Variants in MTRF1 observed in about 807,000 individuals in gnomAD.
MTRF1 encodes the protein peptide chain release factor 1, mitochondrial.
MTRF1 carries 51 observed loss-of-function variants against 62.9 expected under a neutral mutation model. The observed-to-expected ratio is 0.81, with a 90% confidence interval of 0.65 to 1.02. The LOEUF is 1.02. Ranked by LOEUF, MTRF1 falls within the 50% of genes least tolerant of loss-of-function variation. MTRF1 has a pLI of 0.00. For missense variants in MTRF1, 446 were observed against 530.0 expected (o/e 0.84, Z 1.56); for synonymous variants, 158 against 181.9 (o/e 0.87, Z 1.06).
At chr13:41,280,288 G>A in the MTRF1 span, among the ~76,000 whole-genome samples, 1 of 152,162 alleles carries the variant, frequency 6.6e-6, no homozygotes, top group African/African-American at 2.4e-5. Flanking sequence ...CAGGTCTTCA[G>A]ATAAACTCAG....
At chr13:41,219,509 AATAC>A (rs2032752809) in intron 9 of MTRF1, among the ~76,000 whole-genome samples, 1 of 152,192 alleles carries the variant, frequency 6.6e-6, no homozygotes, top group Non-Finnish European at 1.5e-5. Context: ...CAGCTAGACA[AATAC>A]ATAAGCATCA....
intron 5 of MTRF1, among the ~76,000 whole-genome samples, chr13:41,242,954 C>G (rs1036781896): frequency 4.6e-5 from 7 of 152,070 alleles, no homozygotes; most frequent in African/African-American, 1.7e-4. Context: ...GGCGCTGTGG[C>G]TCACACCTGT....
At chr13:41,286,588 G>T in the MTRF1 span, among the ~76,000 whole-genome samples, 1 of 152,164 alleles carries the variant, frequency 6.6e-6, no homozygotes, top group African/African-American at 2.4e-5. Flanking sequence ...ATTATTCCTT[G>T]TGAAATGAGT....
At chr13:41,222,635 TGGAGGTAGCCACTG>T (rs1334356361) in intron 9 of MTRF1, among the ~76,000 whole-genome samples, 1 of 152,244 alleles carries the variant, frequency 6.6e-6, no homozygotes, top group African/African-American at 2.4e-5. Flanking sequence ...AGAGAGTCTC[TGGAGGTAGCCACTG>T]GGAAACAACT....
the MTRF1 span, among the ~76,000 whole-genome samples, chr13:41,301,986 C>T: frequency 6.6e-6 from 1 of 152,042 alleles, no homozygotes; most frequent in Non-Finnish European, 1.5e-5. Flanking sequence ...TTTAAACTTT[C>T]TTCTTCAGAT....
At chr13:41,230,786 G>A (rs2035408568) in intron 7 of MTRF1, among the ~76,000 whole-genome samples, 1 of 149,560 alleles carries the variant, frequency 6.7e-6, no homozygotes, top group Non-Finnish European at 1.5e-5. Context: ...GCAATGGCAT[G>A]ATCTCGGCTC....
upstream of MTRF1, among the ~76,000 whole-genome samples, chr13:41,267,594 C>T (rs777103938): frequency 2.0e-5 from 3 of 152,210 alleles, no homozygotes; most frequent in South Asian, 2.1e-4. Flanking sequence ...AAAAGCCAGG[C>T]GCTGTGGCTC....
the MTRF1 span, among the ~76,000 whole-genome samples, chr13:41,268,643 CA>C: frequency 6.6e-6 from 1 of 152,064 alleles, no homozygotes; most frequent in East Asian, 1.9e-4. Flanking sequence ...CAAGGGGAAA[CA>C]AAACTTATAT....
At chr13:41,225,224 A>AC (rs1434619587) in intron 8 of MTRF1, among the ~76,000 whole-genome samples, 1 of 151,718 alleles carries the variant, frequency 6.6e-6, no homozygotes, top group Non-Finnish European at 1.5e-5. Flanking sequence ...AAAAAAAAAA[A>AC]AAAACTTTGT....
intron 2 of MTRF1, among the ~76,000 whole-genome samples, chr13:41,255,997 A>G (rs1052744041): frequency 3.3e-5 from 5 of 152,220 alleles, no homozygotes; most frequent in African/African-American, 1.2e-4. Context: ...ATTATAAAGA[A>G]GAGAAGACTC....
At chr13:41,245,077 T>C (rs2038061541) in intron 5 of MTRF1, among the ~76,000 whole-genome samples, 1 of 152,200 alleles carries the variant, frequency 6.6e-6, no homozygotes, top group Non-Finnish European at 1.5e-5. Context: ...CAAAAAAATT[T>C]TCCTTTTTAA....
chr13:41,257,109 A>T (rs145248430), intron 2 of MTRF1, among the ~76,000 whole-genome samples: 23 of 152,368 alleles, frequency 1.5e-4, no homozygotes, highest in Admixed American at 2.6e-4. Context: ...AAAGATACAG[A>T]CATGGGACAG....
intron 7 of MTRF1, among the ~76,000 whole-genome samples, chr13:41,231,386 A>G (rs1413027852): frequency 6.6e-6 from 1 of 152,244 alleles, no homozygotes; most frequent in African/African-American, 2.4e-5. Context: ...GGCAGGAGGT[A>G]TATTTCTGGA....
the MTRF1 span, chr13:41,288,169 TG>T: frequency 2.0e-6 from 1 of 500,824 alleles, no homozygotes; most frequent in Non-Finnish European, 4.0e-6. Flanking sequence ...CCAGATTCAC[TG>T]GCTTTCCATC....
rs963537910 is a variant in MTRF1, at chr13:41,253,046, G to A, written c.508-16C>T. 8.3e-6 allele frequency: 13 copies of A among 1,559,544 alleles called. No homozygotes were observed. The highest frequency in any genetic ancestry group is 2.7e-5 in the African/African-American group (2 of 72,752). Reference sequence around the variant, plus strand: ...TCTGGAAAAGCTGGAATAAAAATCAGCATTTGTGTGTATATTTTCCCCGGT... The same window carrying A: ...TCTGGAAAAGCTGGAATAAAAATCAACATTTGTGTGTATATTTTCCCCGGT... On this transcript the variant is annotated splice_polypyrimidine_tract_variant and intron_variant, in intron 3 of 9. Coordinates refer to ENST00000379480, the MANE Select transcript of MTRF1 (RefSeq NM_004294.4).
chr13:41,292,717 C>T, the MTRF1 span, among the ~76,000 whole-genome samples: 1 of 151,770 alleles, frequency 6.6e-6, no homozygotes, highest in South Asian at 2.1e-4. Flanking sequence ...GCAGGGAGTT[C>T]AAGACAAGTC....
chr13:41,277,189 T>G, the MTRF1 span, among the ~76,000 whole-genome samples: 1 of 151,448 alleles, frequency 6.6e-6, no homozygotes, highest in Non-Finnish European at 1.5e-5. Flanking sequence ...TGGAGTGCAG[T>G]GGTGCAATTT....
In MTRF1 at chr13:41,223,237, G is replaced by T; in HGVS notation, c.1224+19C>A. 1 of 1,547,644 alleles carries T rather than the reference G, an allele frequency of 6.5e-7. No individual in the cohort carries two copies. The highest frequency in any genetic ancestry group is 8.9e-7 in the Non-Finnish European group (1 of 1,124,574). On this transcript the variant is annotated intron_variant, in intron 9 of 9. Transcript: ENST00000379480. ...TCTTCTGAAATCAAAGGTAGGCAAAGCATACTCAGTAGTATTACCTTAATA... is the reference window on the plus strand; with the variant it reads ...TCTTCTGAAATCAAAGGTAGGCAAATCATACTCAGTAGTATTACCTTAATA...
chr13:41,235,631 T>C (rs944491314), intron 6 of MTRF1: 1 of 152,620 alleles, frequency 6.6e-6, no homozygotes, highest in Non-Finnish European at 1.5e-5. Flanking sequence ...TGTTATCGTT[T>C]CAAGCCGAGG....
Sources: allele counts gnomAD v4.1 joint callset (sites outside exome capture counted in the v4.1 genomes callset), GRCh38; gene constraint gnomAD v4.1.1; transcripts MANE v1.5; gene names NCBI Gene and HGNC (gene_info 2026-07-23, HGNC 2026-07-21).